Variants in GRIK4 observed in about 807,000 individuals in gnomAD.
The protein encoded by GRIK4 is glutamate receptor ionotropic, kainate 4.
In GRIK4, 40 loss-of-function variants were observed where a neutral mutation model predicts 104.9. That is an observed-to-expected ratio of 0.38 (90% CI 0.30 to 0.50). GRIK4 has a LOEUF of 0.50. GRIK4 is among the 20% of genes least tolerant of loss of function. The pLI is 0.93. For synonymous variants in GRIK4, 485 were observed against 524.9 expected (o/e 0.92, Z 1.04); for missense variants, 1,047 against 1,308.1 (o/e 0.80, Z 3.08).
At chr11:120,577,663 C>T (rs992066314) in intron 1 of GRIK4, among the ~76,000 whole-genome samples, 4 of 152,154 alleles carry the variant, frequency 2.6e-5, no homozygotes, top group South Asian at 2.1e-4. Context: ...TTTTGCCTTT[C>T]GTTGGGAAAG....
chr11:120,572,643 A>G (rs937491485), intron 1 of GRIK4, among the ~76,000 whole-genome samples: 1 of 152,164 alleles, frequency 6.6e-6, no homozygotes, highest in Non-Finnish European at 1.5e-5. Context: ...TTTTCCAGGT[A>G]GAGTGGGAGC....
chr11:120,744,697 C>T (rs959660439), intron 3 of GRIK4, among the ~76,000 whole-genome samples: 7 of 152,144 alleles, frequency 4.6e-5, no homozygotes, highest in South Asian at 2.1e-4. Context: ...AAAAGACTCA[C>T]GAGGAGATTT....
At chr11:120,898,413 G>T (rs751676799) in intron 11 of GRIK4, 119 bp from the exon 12 acceptor site, 3 of 655,174 alleles carry the variant, frequency 4.6e-6, no homozygotes, top group African/African-American at 1.8e-5. Flanking sequence ...CCCCGGCTCC[G>T]TACTCCACAC....
intron 13 of GRIK4, among the ~76,000 whole-genome samples, chr11:120,934,039 C>T (rs1469875131): frequency 1.3e-5 from 2 of 152,096 alleles, no homozygotes; most frequent in Middle Eastern, 3.4e-3. Context: ...CCCATCTCTA[C>T]TAAAAATATA....
At chr11:120,979,166 A>G (rs980205215) in intron 19 of GRIK4, among the ~76,000 whole-genome samples, 1 of 152,248 alleles carries the variant, frequency 6.6e-6, no homozygotes, top group African/African-American at 2.4e-5. Context: ...TCAGAATGCA[A>G]AAAGGAAACT....
Position 120,753,297 on chromosome 11 carries a change from CTGTGTGTGTGTGTGTGTGTG to C in GRIK4, c.83-49369_83-49350del, listed in dbSNP as rs57423619. ...AGTTGAGCAATCAGACAACACAACTCTGTGTGTGTGTGTGTGTGTGTGTGTGTGTGTGTGTGTGTGTGTGT... is the reference window on the plus strand; with the variant it reads ...AGTTGAGCAATCAGACAACACAACTCTGTGTGTGTGTGTGTGTGTGTGTGT... On this transcript the variant is annotated intron_variant, in intron 3 of 20. Coordinates refer to ENST00000527524, the MANE Select transcript of GRIK4 (RefSeq NM_014619.5). Among the ~76,000 whole-genome samples the C allele has an allele frequency of 1.7e-3, 223 of 130,244 alleles. 2 individuals are homozygous for C. Among genetic ancestry groups the C allele is most frequent in the African/African-American group, 6.7e-3 (194 of 28,862 alleles). 85.4% of individuals were successfully genotyped at this position (130,244 alleles called of 152,430 possible).
At chr11:120,720,393 A>G (rs554533710) in intron 3 of GRIK4, among the ~76,000 whole-genome samples, 3 of 152,282 alleles carry the variant, frequency 2.0e-5, no homozygotes, top group East Asian at 1.9e-4. Context: ...AGATTTTCCC[A>G]TTGCATTCTG....
intron 19 of GRIK4, among the ~76,000 whole-genome samples, chr11:120,970,299 G>T (rs973659436): frequency 3.9e-5 from 6 of 152,158 alleles, no homozygotes; most frequent in African/African-American, 1.2e-4. Context: ...ACACAGGAGT[G>T]GCCAGGGGCA....
At chr11:120,694,531 C>T (rs78849359) in intron 3 of GRIK4, among the ~76,000 whole-genome samples, 6,322 of 152,300 alleles carry the variant, frequency 0.042, 175 homozygotes, top group South Asian at 0.078. Context: ...ACCCACCCCC[C>T]AACCCAACCT....
At position 120,940,148 on chromosome 11, in the gene GRIK4, A is replaced by G. The variant is rs754499407; in HGVS notation, c.1477-199A>G. Among the ~76,000 whole-genome samples, 3 of 152,212 alleles carry G rather than the reference A, an allele frequency of 2.0e-5. No homozygotes were observed. Among genetic ancestry groups the G allele is most frequent in the Non-Finnish European group, 4.4e-5 (3 of 68,040 alleles). On this transcript the variant is annotated intron_variant, in intron 13 of 20. Transcript: ENST00000527524. This position sits in a 1 kb window ranked among gnomAD's most constrained non-coding sequence, Gnocchi z 4.3. Reference sequence around the variant, plus strand: ...TAAAGGGATCTAACGACAAGTGAACATGAGTTATAGCTTCAATATCCATGT... The same window carrying G: ...TAAAGGGATCTAACGACAAGTGAACGTGAGTTATAGCTTCAATATCCATGT...
rs140978215 is a variant in GRIK4 at position 120,610,156 on chromosome 11, TGGA to T, written c.-158-43526_-158-43524del. Among the ~76,000 whole-genome samples the T allele has an allele frequency of 5.3e-3, 801 of 152,258 alleles. 2 individuals are homozygous for T. The highest frequency in any genetic ancestry group is 0.018 in the African/African-American group (741 of 41,526). On this transcript the variant is annotated intron_variant, in intron 1 of 20. Transcript: ENST00000527524. The stretch of plus-strand genomic sequence containing the variant: ...GGAGTCTCTCATTCCACAATACAGG[TGGA>T]GGCCTGGACTGCCTATTATGATCCG...
intron 3 of GRIK4, among the ~76,000 whole-genome samples, chr11:120,732,390 C>T (rs1241408097): frequency 1.3e-5 from 2 of 152,172 alleles, no homozygotes; most frequent in Non-Finnish European, 2.9e-5. Context: ...GCCTTGGCCT[C>T]CCAAAGCTGG....
chr11:120,638,306 C>G (rs1028520114), intron 1 of GRIK4, among the ~76,000 whole-genome samples: 1 of 152,164 alleles, frequency 6.6e-6, no homozygotes, highest in Non-Finnish European at 1.5e-5. Flanking sequence ...GTTACTACCC[C>G]TTTGGAGAAA....
intron 1 of GRIK4, among the ~76,000 whole-genome samples, chr11:120,591,278 C>G (rs1486689121): frequency 6.6e-6 from 1 of 151,900 alleles, no homozygotes. Context: ...GGAGGCATCA[C>G]TAGGACTCAC....
At chr11:120,629,205 G>A (rs1949301755) in intron 1 of GRIK4, among the ~76,000 whole-genome samples, 1 of 152,248 alleles carries the variant, frequency 6.6e-6, no homozygotes, top group South Asian at 2.1e-4. Context: ...AACAAAACTG[G>A]TATAGGGCAG....
intron 4 of GRIK4, among the ~76,000 whole-genome samples, chr11:120,807,212 A>T (rs574432554): frequency 6.6e-6 from 1 of 152,214 alleles, no homozygotes; most frequent in East Asian, 1.9e-4. Context: ...GCAGGGAGCT[A>T]CCACAAGCTA....
intron 1 of GRIK4, among the ~76,000 whole-genome samples, chr11:120,531,307 A>G (rs1947921149): frequency 6.6e-6 from 1 of 152,258 alleles, no homozygotes; most frequent in Non-Finnish European, 1.5e-5. Flanking sequence ...ATGTTTGTTT[A>G]TGGAAGGAGA....
chr11:120,706,676 CAT>C (rs1399951265), intron 3 of GRIK4, among the ~76,000 whole-genome samples: 1 of 152,154 alleles, frequency 6.6e-6, no homozygotes, highest in African/African-American at 2.4e-5. Context: ...TCACCTAAGA[CAT>C]ATAGGTAGTC....
chr11:120,686,748 G>A (rs1950282704), intron 3 of GRIK4, among the ~76,000 whole-genome samples: 1 of 152,214 alleles, frequency 6.6e-6, no homozygotes, highest in Non-Finnish European at 1.5e-5. Context: ...TGTTTTATCG[G>A]CATACATTAA....
Sources: allele counts gnomAD v4.1 joint callset (sites outside exome capture counted in the v4.1 genomes callset), GRCh38; gene constraint gnomAD v4.1.1; non-coding constraint Gnocchi (gnomAD v3.1); transcripts MANE v1.5; gene names NCBI Gene and HGNC (gene_info 2026-07-23, HGNC 2026-07-21).